The following NAALADL2 variants were observed in gnomAD, a reference collection of about 807,000 sequenced individuals.
NAALADL2 encodes N-acetylated alpha-linked acidic dipeptidase like 2.
NAALADL2 carries 76 observed loss-of-function variants against 87.2 expected under a neutral mutation model. The ratio of observed to expected loss-of-function variants is 0.87; its 90% CI spans 0.72 to 1.05. NAALADL2 has a LOEUF of 1.05. Ranked by LOEUF, NAALADL2 falls within the 50% of genes least tolerant of loss-of-function variation. NAALADL2 has a pLI of 0.00. For missense variants in NAALADL2, 1,089 were observed against 945.8 expected (o/e 1.15, Z -1.99); for synonymous variants, 354 against 331.0 (o/e 1.07, Z -0.75).
At chr3:175,353,165 C>T (rs1247837472) in intron 5 of NAALADL2, among the ~76,000 whole-genome samples, 1 of 151,158 alleles carries the variant, frequency 6.6e-6, no homozygotes, top group Non-Finnish European at 1.5e-5. Context: ...TATTAATTTG[C>T]ACAGTCTGAT....
chr3:174,704,434 G>A (rs1366067564), intron 2 of NAALADL2, among the ~76,000 whole-genome samples: 1 of 152,036 alleles, frequency 6.6e-6, no homozygotes, highest in Non-Finnish European at 1.5e-5. Flanking sequence ...ATATTTGATA[G>A]TAATGTTTTA....
intron 3 of NAALADL2, among the ~76,000 whole-genome samples, chr3:174,837,339 A>T (rs1337473151): frequency 6.6e-6 from 1 of 152,216 alleles, no homozygotes; most frequent in Non-Finnish European, 1.5e-5. Flanking sequence ...GAAATACAAA[A>T]GATCGTTCAA....
At chr3:175,276,191 TAATC>T (rs10556853) in intron 4 of NAALADL2, among the ~76,000 whole-genome samples, 14,929 of 151,922 alleles carry the variant, frequency 0.098, 948 homozygotes, top group Non-Finnish European at 0.14. Context: ...TAAACAGAAT[TAATC>T]AATCCATTTC....
Position 175,557,187 on chromosome 3 carries a change from T to C in NAALADL2, c.1654-18854T>C, listed in dbSNP as rs557259967. 3.3e-5 allele frequency among the ~76,000 whole-genome samples: 5 copies of C among 152,354 alleles called. No homozygotes were observed. The East Asian group carries it at 7.7e-4, about 24-fold the overall frequency. ...TATAAAATATCCTATGGAAAATACA[T>C]GCTCATTATGTTTCCTTTTCACCTA... On this transcript the variant is annotated intron_variant, in intron 9 of 13. Coordinates refer to ENST00000454872, the MANE Select transcript of NAALADL2 (RefSeq NM_207015.3).
At position 174,643,382 on chromosome 3, in the gene NAALADL2, A is replaced by G. The variant is rs1285385151; in HGVS notation, c.-115+92745A>G. The stretch of plus-strand genomic sequence containing the variant: ...TATTAGAAATTTTCCAGCCAGGTGC[A>G]GTGGCTCATGCTTGTAATTCTAGCA... On this transcript the variant is annotated intron_variant, in intron 2 of 3. Transcript: ENST00000434257. 2.0e-5 allele frequency among the ~76,000 whole-genome samples: 3 copies of G among 152,270 alleles called. No homozygotes were observed. In the East Asian group the frequency reaches 5.8e-4, roughly 29 times the overall value.
At chr3:175,765,429 A>G (rs993002755) in intron 13 of NAALADL2, among the ~76,000 whole-genome samples, 3 of 152,068 alleles carry the variant, frequency 2.0e-5, no homozygotes, top group African/African-American at 7.2e-5. Context: ...TTTTGTCAAT[A>G]TTAGAACAAA....
chr3:174,640,909 G>A (rs1723112074), intron 2 of NAALADL2, among the ~76,000 whole-genome samples: 1 of 152,150 alleles, frequency 6.6e-6, no homozygotes, highest in African/African-American at 2.4e-5. Flanking sequence ...GTCACCTGAG[G>A]AGGAATTATT....
chr3:175,500,267 G>A (rs549761968), intron 9 of NAALADL2, among the ~76,000 whole-genome samples: 69 of 152,116 alleles, frequency 4.5e-4, no homozygotes, highest in Middle Eastern at 3.4e-3. Flanking sequence ...ATTTTGCAGG[G>A]GAGGAATTGC....
intron 1 of NAALADL2, among the ~76,000 whole-genome samples, chr3:174,873,896 A>G (rs577182687): frequency 6.6e-6 from 1 of 151,930 alleles, no homozygotes; most frequent in Non-Finnish European, 1.5e-5. Context: ...AGGAATAAAG[A>G]ATTCTGCCAT....
intron 11 of NAALADL2, among the ~76,000 whole-genome samples, chr3:175,717,373 AT>A (rs1278141315): frequency 6.6e-6 from 1 of 152,182 alleles, no homozygotes. Flanking sequence ...AAGTCACAAG[AT>A]TTTTTGTTTT....
At chr3:174,985,392 A>C (rs1040759851) in intron 1 of NAALADL2, among the ~76,000 whole-genome samples, 15 of 152,166 alleles carry the variant, frequency 9.9e-5, no homozygotes, top group African/African-American at 3.6e-4. Flanking sequence ...AATATGTCAG[A>C]ATTATTCTTT....
chr3:174,647,479 A>G (rs548699948), intron 2 of NAALADL2, among the ~76,000 whole-genome samples: 5 of 152,328 alleles, frequency 3.3e-5, no homozygotes, highest in African/African-American at 1.2e-4. Context: ...TACTTTGGGC[A>G]TAGGGTGGCC....
chr3:174,604,012 C>T (rs1718724521), intron 2 of NAALADL2, among the ~76,000 whole-genome samples: 1 of 152,070 alleles, frequency 6.6e-6, no homozygotes, highest in South Asian at 2.1e-4. Context: ...GGTCCAAGTG[C>T]TGTGGAAAAG....
intron 9 of NAALADL2, among the ~76,000 whole-genome samples, chr3:175,510,297 C>T (rs79424943): frequency 0.049 from 7,437 of 152,144 alleles, 208 homozygotes; most frequent in African/African-American, 0.058. Flanking sequence ...CTCTCTCCTA[C>T]GATATACAGG....
Position 174,934,768 on chromosome 3 carries a change from C to T in NAALADL2, c.43+75318C>T, listed in dbSNP as rs574479936. On this transcript the variant is annotated intron_variant, in intron 1 of 13. Coordinates refer to ENST00000454872, the MANE Select transcript of NAALADL2 (RefSeq NM_207015.3). ...CAACAACAAAACATGATTCTTGTCT[C>T]AAAGAATGCACAATGTTGGGGAAAG... Among the ~76,000 whole-genome samples the T allele has an allele frequency of 2.0e-5, 3 of 152,052 alleles. No individual in the cohort carries two copies. The South Asian group carries it at 6.2e-4, about 32-fold the overall frequency.
intron 9 of NAALADL2, among the ~76,000 whole-genome samples, chr3:175,513,694 G>C (rs1731470868): frequency 6.6e-6 from 1 of 152,118 alleles, no homozygotes; most frequent in South Asian, 2.1e-4. Context: ...ATTTACAGTG[G>C]GCAGTCTAAG....
At chr3:175,680,975 T>C (rs1422347348) in intron 11 of NAALADL2, among the ~76,000 whole-genome samples, 1 of 152,038 alleles carries the variant, frequency 6.6e-6, no homozygotes, top group Non-Finnish European at 1.5e-5. Context: ...TAGCTGGGTG[T>C]GGTGGTGCAC....
At chr3:175,398,786 T>G (rs1183131140) in intron 5 of NAALADL2, among the ~76,000 whole-genome samples, 1 of 152,084 alleles carries the variant, frequency 6.6e-6, no homozygotes, top group African/African-American at 2.4e-5. Flanking sequence ...ACATTTAAGT[T>G]TATTAGTCAT....
chr3:174,458,984 A>C (rs1306610649), intron 1 of NAALADL2, among the ~76,000 whole-genome samples: 1 of 152,160 alleles, frequency 6.6e-6, no homozygotes, highest in East Asian at 1.9e-4. Context: ...GTTGGGCAAG[A>C]GAGTAGGGGG....
Sources: gnomAD v4.1 joint callset for allele counts (sites outside exome capture counted in the v4.1 genomes callset) on GRCh38, gnomAD v4.1.1 for gene constraint, MANE v1.5 for transcripts, NCBI Gene and HGNC (gene_info 2026-07-23, HGNC 2026-07-21) for gene names.